The following SGTA variants were observed in gnomAD, a reference collection of about 807,000 sequenced individuals.
SGTA encodes the protein small glutamine rich tetratricopeptide repeat co-chaperone alpha, also known as small glutamine-rich tetratricopeptide repeat-containing protein alpha.
SGTA carries 22 observed loss-of-function variants against 44.3 expected under a neutral mutation model. The ratio of observed to expected loss-of-function variants is 0.50; its 90% CI spans 0.36 to 0.71. The LOEUF (loss-of-function observed/expected upper bound fraction) is 0.71, where lower values mean the gene tolerates loss of function less well. Among genes scored for constraint, SGTA ranks in the 30% least tolerant of loss-of-function variants. SGTA has a pLI of 0.00. For missense variants in SGTA, 341 were observed against 435.9 expected (o/e 0.78, Z 1.94); for synonymous variants, 174 against 177.6 (o/e 0.98, Z 0.16).
intron 1 of SGTA, among the ~76,000 whole-genome samples, chr19:2,775,337 G>A (rs1915421042): frequency 6.6e-6 from 1 of 152,214 alleles, no homozygotes; most frequent in African/African-American, 2.4e-5. Context: ...AATGAGGCGT[G>A]GGCTGCCTGA....
chr19:2,768,364 G>T (rs930324178), intron 2 of SGTA, among the ~76,000 whole-genome samples: 1 of 152,190 alleles, frequency 6.6e-6, no homozygotes, highest in African/African-American at 2.4e-5. Flanking sequence ...CTGTCACTGG[G>T]TGTCCATGCT....
rs1915166064 is a variant in SGTA at position 2,767,146 on chromosome 19, G to C, written c.282C>G (p.Leu94=). The change falls in exon 4 of 12, where the codon CTC becomes CTG. Residue 94 remains leucine, a synonymous_variant. Coordinates refer to ENST00000221566, the MANE Select transcript of SGTA (RefSeq NM_003021.4). This position sits in a 1 kb window ranked among gnomAD's most constrained non-coding sequence, Gnocchi z 7.3. The stretch of plus-strand genomic sequence containing the variant: ...GAGGTCCTCCCTTACCTTCGGTTTT[G>C]AGGCGCTCTGCCTCTGCTGAGTCCT... ...SEEDSAEAER[L]KTEGNEQMKV... is the part of the protein sequence containing the mutation. The C allele has an allele frequency of 6.2e-7, 1 of 1,611,212 alleles. No homozygotes were observed. The highest frequency in any genetic ancestry group is 8.5e-7 in the Non-Finnish European group (1 of 1,178,636).
intron 1 of SGTA, among the ~76,000 whole-genome samples, chr19:2,779,593 T>C (rs974442823): frequency 1.3e-5 from 2 of 152,200 alleles, no homozygotes; most frequent in African/African-American, 4.8e-5. Context: ...GCTTTATGGA[T>C]GCTCAGGAGC....
intron 1 of SGTA, among the ~76,000 whole-genome samples, chr19:2,775,233 C>T (rs1416091894): frequency 1.3e-5 from 2 of 152,256 alleles, no homozygotes; most frequent in Non-Finnish European, 2.9e-5. Flanking sequence ...CGGCAGGCGC[C>T]TGACCTGCCC....
chr19:2,765,268 C>A lies in SGTA; in HGVS notation c.310G>T (p.Val104Leu), dbSNP rs929676423. Reference protein sequence around the residue: ...LKTEGNEQMKVENFEAAVHFY... With the variant: ...LKTEGNEQMKLENFEAAVHFY... ...TGCACGGCAGCTTCAAAGTTTTCCACTTTCATCTGCTCGTTTCCTACAGGG... is the reference window on the plus strand; with the variant it reads ...TGCACGGCAGCTTCAAAGTTTTCCAATTTCATCTGCTCGTTTCCTACAGGG... The change falls in exon 5 of 12, where the codon GTG (valine) becomes TTG (leucine). Residue 104 changes from valine to leucine, a missense_variant. Val to Leu is a conservative substitution (Grantham distance 32). Transcript: ENST00000221566. This position sits in a 1 kb window ranked among gnomAD's most constrained non-coding sequence, Gnocchi z 5.5. 6.2e-7 allele frequency: 1 copy of A among 1,613,758 alleles called. No individual in the cohort carries two copies. The highest frequency in any genetic ancestry group is 1.3e-5 in the African/African-American group (1 of 75,054).
intron 1 of SGTA, among the ~76,000 whole-genome samples, chr19:2,778,436 TGCC>T (rs1435970025): frequency 2.6e-5 from 4 of 152,104 alleles, no homozygotes; most frequent in Non-Finnish European, 5.9e-5. Context: ...TCTCTTCCAG[TGCC>T]GCCGGTGCCT....
chr19:2,757,321 G>A lies in SGTA; in HGVS notation c.*6+16C>T, dbSNP rs199904934. The A allele has an allele frequency of 1.7e-4, 277 of 1,597,832 alleles. No individual in the cohort carries two copies. The highest frequency in any genetic ancestry group is 2.1e-4 in the Non-Finnish European group (251 of 1,178,728). ...TCCTGCTGGCCACCCCCCAGCCCCC[G>A]GCCCCATGCACTCACGCAGCGTCAC... On this transcript the variant is annotated intron_variant, in intron 11 of 11. Coordinates refer to ENST00000221566, the MANE Select transcript of SGTA (RefSeq NM_003021.4).
Position 2,761,414 on chromosome 19 carries a change from G to C in SGTA, c.699+46C>G, listed in dbSNP as rs533409636. The C allele has an allele frequency of 1.3e-6, 2 of 1,491,186 alleles. No individual in the cohort carries two copies. Among genetic ancestry groups the C allele is most frequent in the African/African-American group, 1.4e-5 (1 of 71,788 alleles). The allele number at this position is 1,491,186 out of a possible 1,614,324, so 92.4% of individuals were successfully genotyped here. ...GCGGACACAGCAGATGCGGGCCTGG[G>C]GGGTGGCGCAGACACCATGGACAGG... On this transcript the variant is annotated intron_variant, in intron 8 of 11. Transcript: ENST00000221566. The surrounding 1 kb of genome is among the most constrained non-coding windows in gnomAD (Gnocchi z 5.7).
chr19:2,757,336 C>A lies in SGTA; in HGVS notation c.*6+1G>T. 1.2e-6 allele frequency: 2 copies of A among 1,600,688 alleles called. No individual in the cohort carries two copies. The highest frequency in any genetic ancestry group is 8.5e-7 in the Non-Finnish European group (1 of 1,179,654). On this transcript the variant is annotated splice_donor_variant, in intron 11 of 11. Coordinates refer to ENST00000221566, the MANE Select transcript of SGTA (RefSeq NM_003021.4). LOFTEE classifies it low-confidence loss of function (3UTR_SPLICE). ...CCCAGCCCCCGGCCCCATGCACTCA[C>A]GCAGCGTCACTCCTGCTGGTCGTCG...
At chr19:2,757,127 G>A (rs1178255338) in intron 11 of SGTA, among the ~76,000 whole-genome samples, 1 of 152,178 alleles carries the variant, frequency 6.6e-6, no homozygotes, top group African/African-American at 2.4e-5. Context: ...GTGGCCACCT[G>A]GAAAGGGGCC....
At chr19:2,759,145 A>G in intron 9 of SGTA, 112 bp downstream of exon 9, 1 of 938,442 alleles carries the variant, frequency 1.1e-6, no homozygotes, top group Non-Finnish European at 1.7e-6. Flanking sequence ...AAAGTCCTTA[A>G]TGCCATTAAG....
intron 1 of SGTA, among the ~76,000 whole-genome samples, chr19:2,769,896 TCC>T (rs1330308695): frequency 1.0e-5 from 1 of 99,716 alleles, no homozygotes; most frequent in Non-Finnish European, 2.0e-5. Context: ...CCCTCCTGGT[TCC>T]CCCAGCGGAC....
chr19:2,780,341 T>C (rs534966126), intron 1 of SGTA, among the ~76,000 whole-genome samples: 11 of 152,270 alleles, frequency 7.2e-5, no homozygotes, highest in African/African-American at 2.4e-4. Context: ...CCTCTTAGGA[T>C]ACCCGAGTTC....
chr19:2,771,206 A>G (rs1470956142), intron 1 of SGTA, among the ~76,000 whole-genome samples: 1 of 152,222 alleles, frequency 6.6e-6, no homozygotes, highest in African/African-American at 2.4e-5. Context: ...CAGGCAGATC[A>G]CGAGGTCAGG....
intron 1 of SGTA, among the ~76,000 whole-genome samples, chr19:2,775,178 T>C (rs938699687): frequency 1.3e-5 from 2 of 152,166 alleles, no homozygotes; most frequent in Non-Finnish European, 2.9e-5. Context: ...GATGGAGGTG[T>C]TCACTCAAGG....
Position 2,763,859 on chromosome 19 carries a change from G to C in SGTA, c.393-102C>G. ...AGCTGCGTTCCTCTCCAACTTCCTG[G>C]AGGAACGGCCTCAGTTTTCCCCATC... On this transcript the variant is annotated intron_variant, in intron 5 of 11. Transcript: ENST00000221566. This position sits in a 1 kb window ranked among gnomAD's most constrained non-coding sequence, Gnocchi z 5.8. 1.2e-6 allele frequency: 1 copy of C among 849,018 alleles called. No homozygotes were observed. The highest frequency in any genetic ancestry group is 2.7e-5 in the East Asian group (1 of 37,030). 52.6% of individuals were successfully genotyped at this position (849,018 alleles called of 1,614,324 possible). A position where few individuals can be genotyped will look rare whatever the true frequency, so the allele number is the denominator to read the frequency against.
At position 2,755,543 on chromosome 19, in the gene SGTA, G is replaced by T; in HGVS notation, c.*397C>A. 3 of 986,008 alleles carry T rather than the reference G, an allele frequency of 3.0e-6. No homozygotes were observed. In the East Asian group the frequency reaches 3.4e-4, roughly 112 times the overall value. 61.1% of individuals were successfully genotyped at this position (986,008 alleles called of 1,614,324 possible). On this transcript the variant is annotated 3_prime_UTR_variant, in exon 12 of 12. Coordinates refer to ENST00000221566, the MANE Select transcript of SGTA (RefSeq NM_003021.4). The surrounding 1 kb of genome is among the most constrained non-coding windows in gnomAD (Gnocchi z 5.2). ...AGTTCCTGCAGACAGACCACGGGAT[G>T]GGGGGCGGGGGCTGTAAAAGGCTTT...
chr19:2,764,961 A>G (rs10420925), intron 5 of SGTA, among the ~76,000 whole-genome samples: 52,444 of 151,886 alleles, frequency 0.35, 10,629 homozygotes, highest in East Asian at 0.65. Context: ...TCTTTCCCCC[A>G]TGGCCTCCCA....
At chr19:2,757,937 C>T (rs1914875342) in intron 9 of SGTA, among the ~76,000 whole-genome samples, 155 bp from the exon 10 acceptor site, 1 of 152,202 alleles carries the variant, frequency 6.6e-6, no homozygotes, top group South Asian at 2.1e-4. Flanking sequence ...CTCCAGGGCC[C>T]AAACCCACCC....
Sources: allele counts gnomAD v4.1 joint callset (sites outside exome capture counted in the v4.1 genomes callset), GRCh38; gene constraint gnomAD v4.1.1; non-coding constraint Gnocchi (gnomAD v3.1); transcripts MANE v1.5; gene names NCBI Gene and HGNC (gene_info 2026-07-23, HGNC 2026-07-21).